Variants in GNL2 observed in about 807,000 individuals in gnomAD.
GNL2 encodes G protein nucleolar 2.
In GNL2, 51 loss-of-function variants were observed where a neutral mutation model predicts 92.3. That is an observed-to-expected ratio of 0.55 (90% CI 0.44 to 0.70). The LOEUF is 0.70. GNL2 is among the 30% of genes least tolerant of loss of function. The pLI, the probability that GNL2 is intolerant of heterozygous loss-of-function variation, is 0.00. For missense variants in GNL2, 844 were observed against 895.6 expected, an observed-to-expected ratio of 0.94 and a Z score of 0.74; for synonymous variants, 283 against 300.6, an observed-to-expected ratio of 0.94 and a Z score of 0.61.
intron 8 of GNL2, among the ~76,000 whole-genome samples, chr1:37,577,426 A>G (rs916808878): frequency 1.3e-5 from 2 of 152,238 alleles, no homozygotes; most frequent in African/African-American, 4.8e-5. Context: ...CTGAACATAC[A>G]TGCTAACCCC....
chr1:37,577,446 C>T (rs1324695050), intron 8 of GNL2, among the ~76,000 whole-genome samples: 1 of 152,168 alleles, frequency 6.6e-6, no homozygotes, highest in Admixed American at 6.5e-5. Flanking sequence ...CGTTCCCTCA[C>T]CAACTCCACT....
chr1:37,568,027 CCTTGGATT>C (rs1643534770), intron 14 of GNL2: 1 of 589,206 alleles, frequency 1.7e-6, no homozygotes, highest in Non-Finnish European at 3.0e-6. Flanking sequence ...GTGGACCCAC[CCTTGGATT>C]CTAGGTTAAT....
intron 7 of GNL2, 21 bp downstream of exon 7, chr1:37,582,757 T>C (rs767385565): frequency 1.9e-6 from 3 of 1,591,402 alleles, no homozygotes; most frequent in Non-Finnish European, 2.6e-6. Flanking sequence ...TAGTCTATTC[T>C]GGTTTAGTAG....
intron 15 of GNL2, 24 bp from the exon 16 acceptor site, chr1:37,567,031 T>A (rs749143027): frequency 4.4e-6 from 7 of 1,599,404 alleles, no homozygotes; most frequent in Admixed American, 3.5e-5. Flanking sequence ...CAAGAAAAGA[T>A]GAAGAAAAAA....
chr1:37,572,208 T>C (rs1643604813), intron 12 of GNL2, among the ~76,000 whole-genome samples: 1 of 152,136 alleles, frequency 6.6e-6, no homozygotes, highest in Non-Finnish European at 1.5e-5. Context: ...CCTGACATTA[T>C]ATGTTTATCT....
In GNL2 at chr1:37,595,771, T is replaced by G. The variant is rs748594693; in HGVS notation, c.52A>C (p.Ser18Arg). 1.9e-6 allele frequency: 3 copies of G among 1,614,068 alleles called. No homozygotes were observed. The highest frequency in any genetic ancestry group is 2.5e-6 in the Non-Finnish European group (3 of 1,179,994). Residue 18 changes from serine to arginine, a missense_variant, in exon 1 of 16, where the codon AGC (serine) becomes CGC (arginine). Coordinates refer to ENST00000373062, the MANE Select transcript of GNL2 (RefSeq NM_013285.3). Reference sequence around the variant, plus strand: ...CTGCCGCCTGTACCTGGGTTTGTGCTGGCCTTGGACGGGTTGATGGTGCTC... The same window carrying G: ...CTGCCGCCTGTACCTGGGTTTGTGCGGGCCTTGGACGGGTTGATGGTGCTC... ...GRSTINPSKA[S>R]TNPDRVQGAG...
In GNL2 at chr1:37,595,860, C is replaced by G. The variant is rs757514911; in HGVS notation, c.-38G>C. The G allele has an allele frequency of 3.2e-6, 5 of 1,584,394 alleles. No homozygotes were observed. Among genetic ancestry groups the G allele is most frequent in the Non-Finnish European group, 4.3e-6 (5 of 1,152,834 alleles). On this transcript the variant is annotated 5_prime_UTR_variant, in exon 1 of 16. Transcript: ENST00000373062. The stretch of plus-strand genomic sequence containing the variant: ...ACCGGGACCGGAGTGCGAGGTCCGG[C>G]TTACGTGGTGAAACAAACTTTTATG...
At chr1:37,577,247 C>G (rs72659406) in intron 8 of GNL2, among the ~76,000 whole-genome samples, 7,758 of 152,260 alleles carry the variant, frequency 0.051, 288 homozygotes, top group Non-Finnish European at 0.077. Flanking sequence ...ACTCACCCCC[C>G]CTTTTCTTTG....
At chr1:37,580,445 T>A (rs979170795) in intron 8 of GNL2, among the ~76,000 whole-genome samples, 1 of 152,244 alleles carries the variant, frequency 6.6e-6, no homozygotes, top group African/African-American at 2.4e-5. Flanking sequence ...AAAGATATTT[T>A]CAGAACGCAA....
chr1:37,576,537 T>G lies in GNL2; in HGVS notation c.929A>C (p.Gln310Pro). 1 of 1,613,938 alleles carries G rather than the reference T, an allele frequency of 6.2e-7. No homozygotes were observed. The highest frequency in any genetic ancestry group is 8.5e-7 in the Non-Finnish European group (1 of 1,179,804). ...QFGKLHTDKK[Q>P]ISVGFIGYPN... ...ATAGCCAATGAACCCAACACTGATC[T>G]GTTTCTTGTCAGTGTGCAACTGTTC... The change falls in exon 9 of 16, where the codon CAG (glutamine) becomes CCG (proline). Residue 310 changes from glutamine (Q) to proline (P), a missense_variant. Coordinates refer to ENST00000373062, the MANE Select transcript of GNL2 (RefSeq NM_013285.3).
At chr1:37,578,226 G>C (rs959047790) in intron 8 of GNL2, among the ~76,000 whole-genome samples, 1 of 152,064 alleles carries the variant, frequency 6.6e-6, no homozygotes, top group Non-Finnish European at 1.5e-5. Flanking sequence ...ATCACTTGAG[G>C]TCAGGAGTTT....
At chr1:37,584,261 C>A (rs1643817189) in intron 5 of GNL2, among the ~76,000 whole-genome samples, 1 of 151,902 alleles carries the variant, frequency 6.6e-6, no homozygotes, top group Non-Finnish European at 1.5e-5. Flanking sequence ...CCAGCCTGGG[C>A]AACATGGCAA....
Position 37,568,902 on chromosome 1 carries a change from T to C in GNL2, c.1817A>G (p.Lys606Arg), listed in dbSNP as rs368463956. ...GGCTTTGTCTAGAAACTTCTGATAT[T>C]TGGCAATCTTCTCATCCAGTGCTTT... ...VIKALDEKIA[K>R]YQKFLDKAKA... The change falls in exon 13 of 16, where the codon AAA becomes AGA. Residue 606 changes from lysine (K) to arginine (R), a missense_variant. Physicochemically the swap from Lys to Arg is conservative, Grantham distance 26. Coordinates refer to ENST00000373062, the MANE Select transcript of GNL2 (RefSeq NM_013285.3). 2 of 1,614,182 alleles carry C rather than the reference T, an allele frequency of 1.2e-6. No homozygotes were observed. Among genetic ancestry groups the C allele is most frequent in the Non-Finnish European group, 8.5e-7 (1 of 1,180,036 alleles).
chr1:37,571,153 A>G (rs1643588310), intron 12 of GNL2, among the ~76,000 whole-genome samples: 1 of 152,224 alleles, frequency 6.6e-6, no homozygotes, highest in South Asian at 2.1e-4. Flanking sequence ...ATGAGAGTGA[A>G]ACTGCCTCCA....
intron 9 of GNL2, chr1:37,576,218 C>T: frequency 2.0e-6 from 1 of 501,052 alleles, no homozygotes. Flanking sequence ...CTAACACAGG[C>T]CAAAGCCACA....
chr1:37,569,356 A>G, intron 12 of GNL2, 54 bp from the exon 13 acceptor site: 2 of 1,254,570 alleles, frequency 1.6e-6, no homozygotes, highest in Non-Finnish European at 2.2e-6. Context: ...TGAAAAATGG[A>G]ATTTCTGAAC....
At position 37,591,523 on chromosome 1, in the gene GNL2, T is replaced by G. The variant is rs1181193024; in HGVS notation, c.245-678A>C. Among the ~76,000 whole-genome samples the G allele has an allele frequency of 2.0e-5, 3 of 150,242 alleles. No individual in the cohort carries two copies. In the South Asian group the frequency reaches 6.4e-4, roughly 32 times the overall value. On this transcript the variant is annotated intron_variant, in intron 3 of 15. Coordinates refer to ENST00000373062, the MANE Select transcript of GNL2 (RefSeq NM_013285.3). Reference sequence around the variant, plus strand: ...TTTACTCTTTTTTTTTTTTTTTTTTTGAGATGGAGTCTCACTCTGTCACCC... The same window carrying G: ...TTTACTCTTTTTTTTTTTTTTTTTTGGAGATGGAGTCTCACTCTGTCACCC...
chr1:37,582,704 T>C, intron 7 of GNL2, 74 bp downstream of exon 7: 2 of 1,203,782 alleles, frequency 1.7e-6, no homozygotes, highest in East Asian at 2.4e-5. Flanking sequence ...GACAACACTT[T>C]AGCCTAAAAG....
At chr1:37,576,406 G>C (rs367824963) in intron 9 of GNL2, 22 bp downstream of exon 9, 90 of 1,606,500 alleles carry the variant, frequency 5.6e-5, no homozygotes, top group Non-Finnish European at 7.5e-5. Flanking sequence ...GCAAAAGTAA[G>C]GTCACCCTGC....
Sources: gnomAD v4.1 joint callset for allele counts (sites outside exome capture counted in the v4.1 genomes callset) on GRCh38, gnomAD v4.1.1 for gene constraint, MANE v1.5 for transcripts, NCBI Gene and HGNC (gene_info 2026-07-23, HGNC 2026-07-21) for gene names.